TREML1: variants seen among roughly 807,000 people sequenced by gnomAD.
The protein encoded by TREML1 is trem-like transcript 1 protein.
TREML1 carries 27 observed loss-of-function variants against 22.8 expected under a neutral mutation model. The ratio of observed to expected loss-of-function variants is 1.19; its 90% confidence interval spans 0.87 to 1.64. TREML1 has a LOEUF of 1.64. Among genes scored for constraint, TREML1 ranks in the 40% most tolerant of loss-of-function variants. The pLI, the probability that TREML1 is intolerant of heterozygous loss-of-function variation, is 0.00. For synonymous variants in TREML1, 153 were observed against 161.9 expected, an observed-to-expected ratio of 0.94 and a Z score of 0.42; for missense variants, 356 against 382.0, an observed-to-expected ratio of 0.93 and a Z score of 0.57.
At chr6:41,150,701 C>T (rs1262840970) in intron 4 of TREML1, 118 bp downstream of exon 4, 4 of 921,374 alleles carry the variant, frequency 4.3e-6, no homozygotes, top group Non-Finnish European at 6.9e-6. Flanking sequence ...GGCCTTGAGA[C>T]TTAAGCCCAG....
At position 41,149,646 on chromosome 6, in the gene TREML1, C is replaced by T; in HGVS notation, c.894G>A (p.Gly298=). The T allele has an allele frequency of 6.2e-7, 1 of 1,613,850 alleles. No individual in the cohort carries two copies. The highest frequency in any genetic ancestry group is 8.5e-7 in the Non-Finnish European group (1 of 1,179,860). Reference sequence around the variant, plus strand: ...GATTGTTAGGTGGATTCTGGGCTGGCCCACACGAGGTCCCTCCACCCTTGT... The same window carrying T: ...GATTGTTAGGTGGATTCTGGGCTGGTCCACACGAGGTCCCTCCACCCTTGT... ...GGNKGGGTSC[G]PAQNPPNNQT... is the part of the protein sequence containing the mutation. The change falls in exon 6 of 6, where the codon GGG becomes GGA. Residue 298 remains glycine, a synonymous_variant. Transcript: ENST00000426005.
Sources: allele counts gnomAD v4.1 joint callset, GRCh38; gene constraint gnomAD v4.1.1; transcripts MANE v1.5; gene names NCBI Gene and HGNC (gene_info 2026-07-23, HGNC 2026-07-21).